Variants in IQCE observed in about 807,000 individuals in gnomAD.
The protein encoded by IQCE is IQ domain-containing protein E.
IQCE carries 115 observed loss-of-function variants against 96.0 expected under a neutral mutation model. The ratio of observed to expected loss-of-function variants is 1.20; its 90% CI spans 1.03 to 1.40. The LOEUF (loss-of-function observed/expected upper bound fraction) is 1.40, where lower values mean the gene tolerates loss of function less well. Among genes scored for constraint, IQCE ranks in the 40% most tolerant of loss-of-function variants. The pLI is 0.00. For missense variants in IQCE, 1,041 were observed against 909.1 expected (o/e 1.15, Z -1.87); for synonymous variants, 412 against 371.2 (o/e 1.11, Z -1.26).
chr7:2,594,122 C>T (rs1348718585), intron 15 of IQCE, among the ~76,000 whole-genome samples: 5 of 152,088 alleles, frequency 3.3e-5, no homozygotes, highest in African/African-American at 1.2e-4. Flanking sequence ...TAGCCGGGCA[C>T]AGTGACAGGT....
intron 1 of IQCE, among the ~76,000 whole-genome samples, chr7:2,566,349 C>A (rs1781371752): frequency 7.0e-6 from 1 of 141,968 alleles, no homozygotes; most frequent in African/African-American, 2.7e-5. Context: ...AGTCTTATTT[C>A]ATTCCCTGGA....
chr7:2,574,926 G>A (rs972602610), intron 6 of IQCE, among the ~76,000 whole-genome samples: 1 of 152,298 alleles, frequency 6.6e-6, no homozygotes, highest in South Asian at 2.1e-4. Flanking sequence ...ATCTCTGTGC[G>A]GCTCCTTCTG....
chr7:2,565,053 A>C (rs1230996545), intron 1 of IQCE, among the ~76,000 whole-genome samples: 2 of 152,010 alleles, frequency 1.3e-5, no homozygotes, highest in South Asian at 4.1e-4. Context: ...AAGGAGGCGG[A>C]ACAGATTGGC....
At chr7:2,606,263 G>A (rs913370817) in intron 20 of IQCE, among the ~76,000 whole-genome samples, 2 of 152,188 alleles carry the variant, frequency 1.3e-5, no homozygotes, top group East Asian at 1.9e-4. Context: ...GAGGAGATGA[G>A]AAGAGGAGCT....
rs1785122463 is a variant in IQCE at position 2,612,013 on chromosome 7, A to T, written c.*1851A>T. ...GTCCTAGGAGCCAGTCCACCTCGAA[A>T]GCCCTGAGAAAGTGAGACACCTGCA... is the stretch of plus-strand genomic sequence containing the variant. On this transcript the variant is annotated 3_prime_UTR_variant, in exon 22 of 22. Transcript: ENST00000402050. 1 of 152,094 alleles carries T rather than the reference A, an allele frequency of 6.6e-6. No individual in the cohort carries two copies. Among genetic ancestry groups the T allele is most frequent in the Non-Finnish European group, 1.5e-5 (1 of 68,036 alleles). The allele number at this position is 152,094 out of a possible 1,614,324, so 9.4% of individuals were successfully genotyped here.
At chr7:2,561,548 G>A (rs2128424760) in intron 1 of IQCE, among the ~76,000 whole-genome samples, 1 of 151,836 alleles carries the variant, frequency 6.6e-6, no homozygotes, top group East Asian at 1.9e-4. Flanking sequence ...AGCCTCCCGA[G>A]TAGCTGAGAC....
At chr7:2,577,572 TGTGCGGCGTGCCCGC>T (rs1782253578) in intron 6 of IQCE, among the ~76,000 whole-genome samples, 1 of 119,362 alleles carries the variant, frequency 8.4e-6, no homozygotes, top group African/African-American at 3.3e-5. Flanking sequence ...CGGGGACGTG[TGTGCGGCGTGCCCGC>T]ATTGGCGTGT....
At chr7:2,596,993 A>G in intron 16 of IQCE, 2 of 471,276 alleles carry the variant, frequency 4.2e-6, no homozygotes, top group Middle Eastern at 6.5e-4. Context: ...TGACCATCCT[A>G]GGAAGATTAC....
At chr7:2,581,711 CTTTT>C (rs1554308080) in intron 8 of IQCE, among the ~76,000 whole-genome samples, 1 of 140,192 alleles carries the variant, frequency 7.1e-6, no homozygotes, top group Non-Finnish European at 1.5e-5. Flanking sequence ...AAAGAATGTT[CTTTT>C]TTTTTTTTTT....
chr7:2,600,329 A>G (rs573550649), intron 17 of IQCE, among the ~76,000 whole-genome samples: 6 of 152,330 alleles, frequency 3.9e-5, no homozygotes, highest in African/African-American at 1.4e-4. Context: ...TGGATGGACC[A>G]GGCCGGCCCC....
chr7:2,579,041 CAAAAA>C (rs759979729), intron 8 of IQCE, among the ~76,000 whole-genome samples: 1 of 113,712 alleles, frequency 8.8e-6, no homozygotes, highest in Admixed American at 9.0e-5. Context: ...CCTGGGTGAC[CAAAAA>C]AAAAAAAAAA....
At position 2,612,652 on chromosome 7, in the gene IQCE, G is replaced by A. The variant is rs1295438495; in HGVS notation, c.*2490G>A. On this transcript the variant is annotated 3_prime_UTR_variant, in exon 22 of 22. Coordinates refer to ENST00000402050, the MANE Select transcript of IQCE (RefSeq NM_152558.5). Reference sequence around the variant, plus strand: ...GTGAATGGGGCTAGCTATGGGTGGGGTGAGCTGTGGACAGGGCCTAGCCAT... The same window carrying A: ...GTGAATGGGGCTAGCTATGGGTGGGATGAGCTGTGGACAGGGCCTAGCCAT... The A allele has an allele frequency of 6.6e-6, 1 of 151,754 alleles. No homozygotes were observed. Among genetic ancestry groups the A allele is most frequent in the Non-Finnish European group, 1.5e-5 (1 of 68,156 alleles). 9.4% of individuals were successfully genotyped at this position (151,754 alleles called of 1,614,324 possible).
chr7:2,598,643 C>T lies in IQCE; in HGVS notation c.1608+11C>T, dbSNP rs1046403145. On this transcript the variant is annotated intron_variant, in intron 17 of 21. Transcript: ENST00000402050. ...GTGTACAAGCACAAGGTGAGGCTCC[C>T]CGGGGCGACCCGGGCTGCTCCCTGT... 2 of 1,510,064 alleles carry T rather than the reference C, an allele frequency of 1.3e-6. No individual in the cohort carries two copies. Among genetic ancestry groups the T allele is most frequent in the East Asian group, 2.4e-5 (1 of 41,296 alleles). 93.5% of individuals were successfully genotyped at this position (1,510,064 alleles called of 1,614,324 possible).
At chr7:2,595,459 G>C (rs1054372122) in intron 16 of IQCE, among the ~76,000 whole-genome samples, 3 of 152,188 alleles carry the variant, frequency 2.0e-5, no homozygotes, top group Non-Finnish European at 4.4e-5. Flanking sequence ...AGCTGTGCAC[G>C]GGTTGAACGT....
chr7:2,586,354 C>T lies in IQCE; in HGVS notation c.971C>T (p.Thr324Ile). Residue 324 changes from threonine to isoleucine, a missense_variant, in exon 12 of 22, where the codon ACC (threonine) becomes ATC (isoleucine). Physicochemically the swap from Thr to Ile is moderately conservative, Grantham distance 89. Coordinates refer to ENST00000402050, the MANE Select transcript of IQCE (RefSeq NM_152558.5). ...DLDRVLSTSPTISKTQGYVEW... is the reference protein window; with the variant it reads ...DLDRVLSTSPIISKTQGYVEW... Reference sequence around the variant, plus strand: ...GACCGCGTGCTGAGCACCTCCCCAACCATCTCCAAGACACAGGGTACCTTC... The same window carrying T: ...GACCGCGTGCTGAGCACCTCCCCAATCATCTCCAAGACACAGGGTACCTTC... 1 of 1,612,882 alleles carries T rather than the reference C, an allele frequency of 6.2e-7. No homozygotes were observed. The highest frequency in any genetic ancestry group is 8.5e-7 in the Non-Finnish European group (1 of 1,179,734).
intron 17 of IQCE, among the ~76,000 whole-genome samples, chr7:2,600,230 GA>G (rs1784344364): frequency 6.6e-6 from 1 of 152,074 alleles, no homozygotes; most frequent in Non-Finnish European, 1.5e-5. Flanking sequence ...CCATAAATGA[GA>G]AATAAGGTCT....
At chr7:2,562,233 GGT>G (rs139019430) in intron 1 of IQCE, among the ~76,000 whole-genome samples, 9 of 148,704 alleles carry the variant, frequency 6.1e-5, no homozygotes, top group Admixed American at 6.7e-5. Context: ...TTGGTCTTGG[GGT>G]GTGTGTGTGT....
At chr7:2,583,435 C>T (rs758719256) in intron 9 of IQCE, among the ~76,000 whole-genome samples, 5 of 151,972 alleles carry the variant, frequency 3.3e-5, no homozygotes, top group African/African-American at 1.2e-4. Flanking sequence ...TGCTTTCCAG[C>T]GTGAGGAATT....
intron 21 of IQCE, among the ~76,000 whole-genome samples, chr7:2,609,310 G>C (rs940199189): frequency 4.7e-5 from 6 of 128,176 alleles, no homozygotes; most frequent in Non-Finnish European, 8.3e-5. Context: ...AGGGAAGTTG[G>C]CTTTTTTTTT....
Sources: allele counts gnomAD v4.1 joint callset (sites outside exome capture counted in the v4.1 genomes callset), GRCh38; gene constraint gnomAD v4.1.1; transcripts MANE v1.5; gene names NCBI Gene and HGNC (gene_info 2026-07-23, HGNC 2026-07-21).